The following CEP290 variants were observed in gnomAD, a reference collection of about 807,000 sequenced individuals.
CEP290 encodes the protein centrosomal protein 290.
A neutral mutation model predicts 344.9 loss-of-function variants in CEP290; 317 were observed. That is an observed-to-expected ratio of 0.92 (90% CI 0.84 to 1.01). CEP290 has a LOEUF of 1.01. CEP290 is among the 50% of genes least tolerant of loss of function. The pLI, the probability that CEP290 is intolerant of heterozygous loss-of-function variation, is 0.00. For synonymous variants in CEP290, 932 were observed against 895.8 expected (o/e 1.04, Z -0.72); for missense variants, 2,754 against 2,761.4 (o/e 1.00, Z 0.06).
chr12:88,126,448 A>G lies in CEP290; in HGVS notation c.943-10T>C. The G allele has an allele frequency of 6.8e-7, 1 of 1,474,164 alleles. No homozygotes were observed. Among genetic ancestry groups the G allele is most frequent in the Non-Finnish European group, 9.0e-7 (1 of 1,105,122 alleles). 91.3% of individuals were successfully genotyped at this position (1,474,164 alleles called of 1,614,324 possible). A position where few individuals can be genotyped will look rare whatever the true frequency, so the allele number is the denominator to read the frequency against. ...TAGAAGACAAAATTAGCTAGAAATA[A>G]ACACAATAGAATCTGTTATGCAAAA... On this transcript the variant is annotated splice_polypyrimidine_tract_variant and intron_variant, in intron 11 of 53. Coordinates refer to ENST00000552810, the MANE Select transcript of CEP290 (RefSeq NM_025114.4).
chr12:88,114,392 A>AAACATT lies in CEP290; in HGVS notation c.2052+22_2052+27dup, dbSNP rs1032141279. ...AAATCTCTCTAAAGTGATAGGGGAA[A>AAACATT]AACATTAACATGAAAAAAATAACTT... On this transcript the variant is annotated intron_variant, in intron 20 of 53. Coordinates refer to ENST00000552810, the MANE Select transcript of CEP290 (RefSeq NM_025114.4). 21 of 1,521,934 alleles carry AAACATT rather than the reference A, an allele frequency of 1.4e-5. No homozygotes were observed. In the African/African-American group the frequency reaches 2.7e-4, roughly 19 times the overall value. The allele number at this position is 1,521,934 out of a possible 1,614,324, so 94.3% of individuals were successfully genotyped here.
At position 88,069,397 on chromosome 12, in the gene CEP290, A is replaced by C. The variant is rs181349259; in HGVS notation, c.6012-752T>G. Among the ~76,000 whole-genome samples, 13 of 152,304 alleles carry C rather than the reference A, an allele frequency of 8.5e-5. No homozygotes were observed. In the East Asian group the frequency reaches 2.3e-3, roughly 27 times the overall value. ...AACTCACATTATTAGAGAAAAAAAAAATGGCCTCTAAAAGTAATAGCAGGT... is the reference window on the plus strand; with the variant it reads ...AACTCACATTATTAGAGAAAAAAAACATGGCCTCTAAAAGTAATAGCAGGT... On this transcript the variant is annotated intron_variant, in intron 43 of 53. Coordinates refer to ENST00000552810, the MANE Select transcript of CEP290 (RefSeq NM_025114.4).
intron 49 of CEP290, among the ~76,000 whole-genome samples, chr12:88,057,057 A>G (rs887019686): frequency 6.6e-6 from 1 of 152,146 alleles, no homozygotes; most frequent in Non-Finnish European, 1.5e-5. Flanking sequence ...CAGACGAAAA[A>G]CACGTATATG....
intron 26 of CEP290, among the ~76,000 whole-genome samples, chr12:88,102,397 A>C (rs1038212744): frequency 1.3e-5 from 2 of 152,298 alleles, no homozygotes; most frequent in East Asian, 1.9e-4. Context: ...CATCCATTCC[A>C]AGGAACAAAA....
Position 88,091,589 on chromosome 12 carries a change from G to A in CEP290, c.3462-750C>T, listed in dbSNP as rs2037046816. 1.3e-5 allele frequency among the ~76,000 whole-genome samples: 2 copies of A among 151,962 alleles called. 1 individual carries two copies. Among genetic ancestry groups the A allele is most frequent in the South Asian group, 4.2e-4 (2 of 4,810 alleles). ...TGATGAGAGGCTCTCATTGCCAGTT[G>A]CATGATTAACAAAATATGATTAAAA... On this transcript the variant is annotated intron_variant, in intron 29 of 53. Coordinates refer to ENST00000552810, the MANE Select transcript of CEP290 (RefSeq NM_025114.4).
chr12:88,102,539 G>C (rs2037969041), intron 26 of CEP290, among the ~76,000 whole-genome samples: 1 of 152,044 alleles, frequency 6.6e-6, no homozygotes, highest in Admixed American at 6.5e-5. Flanking sequence ...TTAGATGTCT[G>C]GTTAAAAGAG....
intron 15 of CEP290, among the ~76,000 whole-genome samples, chr12:88,119,818 A>C (rs1234746372): frequency 6.6e-6 from 1 of 152,102 alleles, no homozygotes; most frequent in African/African-American, 2.4e-5. Context: ...AAAAAGGTTA[A>C]TCTCTGATAT....
At chr12:88,087,571 T>A (rs1276995679) in intron 32 of CEP290, among the ~76,000 whole-genome samples, 1 of 151,520 alleles carries the variant, frequency 6.6e-6, no homozygotes, top group Non-Finnish European at 1.5e-5. Context: ...ATACAAAAAA[T>A]TAGCCAGGCA....
At chr12:88,114,616 C>T in intron 19 of CEP290, 54 bp from the exon 20 acceptor site, 6 of 1,339,082 alleles carry the variant, frequency 4.5e-6, no homozygotes, top group Non-Finnish European at 2.0e-6. Context: ...ACAATTTACA[C>T]TATGCTATAC....
At chr12:88,073,773 T>TA (rs999195033) in intron 41 of CEP290, among the ~76,000 whole-genome samples, 5 of 151,782 alleles carry the variant, frequency 3.3e-5, no homozygotes, top group Non-Finnish European at 7.4e-5. Flanking sequence ...CTCAAAAAAT[T>TA]AAAAAAATAT....
chr12:88,135,822 G>GAGT (rs2040325751), intron 6 of CEP290: 1 of 152,076 alleles, frequency 6.6e-6, no homozygotes, highest in African/African-American at 2.4e-5. Context: ...AAACGTTTCT[G>GAGT]AGTATAAGGG....
chr12:88,094,989 A>T (rs962139129), intron 27 of CEP290, among the ~76,000 whole-genome samples: 3 of 152,290 alleles, frequency 2.0e-5, no homozygotes, highest in Admixed American at 1.3e-4. Context: ...TATCTTTAAA[A>T]TGTATTATTT....
intron 15 of CEP290, 48 bp from the exon 16 acceptor site, chr12:88,118,791 G>A: frequency 1.4e-6 from 2 of 1,388,522 alleles, no homozygotes; most frequent in Non-Finnish European, 2.0e-6. Flanking sequence ...ATTCAAATAA[G>A]CTGCAAAAAT....
At chr12:88,105,810 A>C (rs1438381499) in intron 25 of CEP290, among the ~76,000 whole-genome samples, 1 of 152,040 alleles carries the variant, frequency 6.6e-6, no homozygotes, top group Non-Finnish European at 1.5e-5. Context: ...GCACATGATC[A>C]CAGCTCACTG....
At chr12:88,051,766 G>A (rs542970546) in intron 52 of CEP290, 3 of 152,238 alleles carry the variant, frequency 2.0e-5, no homozygotes, top group African/African-American at 4.8e-5. Flanking sequence ...GTTGGGCCTG[G>A]TTAGTATATG....
In CEP290 at chr12:88,060,954, G is replaced by A. The variant is rs775860198; in HGVS notation, c.6398C>T (p.Thr2133Ile). ...SGKTIPELEK[T>I]IGLMKKVVEK... ...AACTACTTTTTTCATTAAACCAATG[G>A]TTTTTTCCAGTTCTGGGATTGTCTT... The change falls in exon 47 of 54, where the codon ACC (threonine) becomes ATC (isoleucine). Residue 2133 changes from threonine (T) to isoleucine (I), a missense_variant. Coordinates refer to ENST00000552810, the MANE Select transcript of CEP290 (RefSeq NM_025114.4). The A allele has an allele frequency of 1.1e-5, 17 of 1,560,870 alleles. No homozygotes were observed. In the South Asian group the frequency reaches 1.9e-4, roughly 18 times the overall value.
rs1459281322 is a variant in CEP290, at chr12:88,053,704, G to A, written c.7077C>T (p.Ile2359=). 1.9e-6 allele frequency: 3 copies of A among 1,552,188 alleles called. No homozygotes were observed. Among genetic ancestry groups the A allele is most frequent in the Non-Finnish European group, 2.6e-6 (3 of 1,145,710 alleles). ...HQLDKEKAEL[I]HQIEANKDQS... is the part of the protein sequence containing the mutation. ...GGTCCTTGTTAGCTTCTATCTGATGGATTAATTCTGCTTTCTCTTTATCCA... is the reference window on the plus strand; with the variant it reads ...GGTCCTTGTTAGCTTCTATCTGATGAATTAATTCTGCTTTCTCTTTATCCA... Residue 2359 remains isoleucine, a synonymous_variant, in exon 52 of 54, where the codon ATC becomes ATT. Coordinates refer to ENST00000552810, the MANE Select transcript of CEP290 (RefSeq NM_025114.4).
chr12:88,086,454 G>A lies in CEP290; in HGVS notation c.4239C>T (p.Asp1413=). The change falls in exon 33 of 54, where the codon GAC becomes GAT. Residue 1413 remains aspartate, a synonymous_variant. Coordinates refer to ENST00000552810, the MANE Select transcript of CEP290 (RefSeq NM_025114.4). The stretch of plus-strand genomic sequence containing the variant: ...CAAAAATGTCTAGTTGGCGTTCCAG[G>A]TCAACTTCTCTTTGATCCCAGGCCA... The part of the protein sequence containing the change: ...RQMAWDQREV[D]LERQLDIFDR... The A allele has an allele frequency of 1.2e-6, 2 of 1,600,536 alleles. No homozygotes were observed. Among genetic ancestry groups the A allele is most frequent in the South Asian group, 2.3e-5 (2 of 88,802 alleles).
chr12:88,060,874 T>C lies in CEP290; in HGVS notation c.6478A>G (p.Ser2160Gly), dbSNP rs2034426733. 1.3e-6 allele frequency: 2 copies of C among 1,542,934 alleles called. No homozygotes were observed. Among genetic ancestry groups the C allele is most frequent in the South Asian group, 2.5e-5 (2 of 79,628 alleles). ...QLKKASGILT[S>G]EKMANIEQEN... The stretch of plus-strand genomic sequence containing the variant: ...TGCTCAATATTAGCCATTTTTTCAC[T>C]AGTCAATATTCCTGATGCTTTTTTC... Residue 2160 changes from serine (S) to glycine (G), a missense_variant, in exon 47 of 54, where the codon AGT becomes GGT. Coordinates refer to ENST00000552810, the MANE Select transcript of CEP290 (RefSeq NM_025114.4).
Sources: gnomAD v4.1 joint callset for allele counts (sites outside exome capture counted in the v4.1 genomes callset) on GRCh38, gnomAD v4.1.1 for gene constraint, MANE v1.5 for transcripts, NCBI Gene and HGNC (gene_info 2026-07-23, HGNC 2026-07-21) for gene names.